Variants in DGKB observed in about 807,000 individuals in gnomAD.
DGKB encodes 90 kDa diacylglycerol kinase.
A neutral mutation model predicts 114.3 loss-of-function variants in DGKB; 67 were observed. The ratio of observed to expected loss-of-function variants is 0.59; its 90% CI spans 0.48 to 0.72. The LOEUF is 0.72. Ranked by LOEUF, DGKB falls within the 30% of genes least tolerant of loss-of-function variation. The pLI, the probability that DGKB is intolerant of heterozygous loss-of-function variation, is 0.00. For synonymous variants in DGKB, 398 were observed against 323.1 expected (o/e 1.23, Z -2.49); for missense variants, 907 against 975.2 (o/e 0.93, Z 0.93).
intron 2 of DGKB, among the ~76,000 whole-genome samples, chr7:14,816,995 T>A (rs1212993890): frequency 4.6e-5 from 7 of 152,204 alleles, no homozygotes; most frequent in African/African-American, 7.2e-5. Context: ...GCATTAATAT[T>A]TTATCTTTTT....
intron 23 of DGKB, among the ~76,000 whole-genome samples, chr7:14,333,811 T>A (rs1810170031): frequency 1.3e-5 from 2 of 152,190 alleles, no homozygotes; most frequent in African/African-American, 4.8e-5. Flanking sequence ...TTTTTCACTT[T>A]CAACAAAACA....
chr7:14,810,491 T>C (rs1843292578), intron 2 of DGKB, among the ~76,000 whole-genome samples: 1 of 152,200 alleles, frequency 6.6e-6, no homozygotes, highest in Non-Finnish European at 1.5e-5. Flanking sequence ...AAAAACATAA[T>C]ATTAATTTTA....
chr7:14,792,317 C>G (rs10281913), intron 2 of DGKB, among the ~76,000 whole-genome samples: 55,577 of 151,764 alleles, frequency 0.37, 11,737 homozygotes, highest in African/African-American at 0.59. Context: ...GTGCTTTATT[C>G]GTGTTTTAAA....
intron 21 of DGKB, among the ~76,000 whole-genome samples, chr7:14,450,366 C>G (rs1831305484): frequency 6.6e-6 from 1 of 152,068 alleles, no homozygotes; most frequent in African/African-American, 2.4e-5. Context: ...ATTTCCACAG[C>G]AGAGATTTCA....
intron 21 of DGKB, among the ~76,000 whole-genome samples, chr7:14,381,813 A>G (rs930654574): frequency 2.6e-5 from 4 of 152,068 alleles, no homozygotes; most frequent in Admixed American, 6.6e-5. Context: ...ACAAATCACA[A>G]AAGTTTTCTT....
intron 20 of DGKB, among the ~76,000 whole-genome samples, chr7:14,557,915 T>C (rs1796103315): frequency 6.6e-6 from 1 of 151,684 alleles, no homozygotes; most frequent in South Asian, 2.1e-4. Context: ...ATTGGTTGAT[T>C]ATTTTATCTC....
At chr7:14,938,154 G>A (rs1440842392) in intron 1 of DGKB, among the ~76,000 whole-genome samples, 2 of 152,144 alleles carry the variant, frequency 1.3e-5, no homozygotes, top group Non-Finnish European at 2.9e-5. Flanking sequence ...GTGCCCATAT[G>A]CAAAGAGGAA....
intron 5 of DGKB, among the ~76,000 whole-genome samples, chr7:14,729,225 C>T (rs1434381050): frequency 1.3e-5 from 2 of 149,222 alleles, no homozygotes; most frequent in Non-Finnish European, 3.0e-5. Context: ...TGGGTTCACG[C>T]CATTCTCCCG....
intron 1 of DGKB, among the ~76,000 whole-genome samples, chr7:14,967,734 T>C (rs766604379): frequency 9.9e-5 from 15 of 152,108 alleles, no homozygotes; most frequent in Admixed American, 5.2e-4. Flanking sequence ...TACATATTTT[T>C]CTGCAAAAAT....
At chr7:14,965,894 C>G (rs1034679871) in intron 1 of DGKB, among the ~76,000 whole-genome samples, 2 of 152,130 alleles carry the variant, frequency 1.3e-5, no homozygotes, top group South Asian at 4.2e-4. Context: ...CCATTTTGCT[C>G]TTTTCATTAC....
intron 21 of DGKB, among the ~76,000 whole-genome samples, chr7:14,467,202 T>C (rs1252311836): frequency 6.7e-6 from 1 of 149,290 alleles, no homozygotes. Flanking sequence ...TTACTTACTG[T>C]TTTTAAATAT....
intron 1 of DGKB, among the ~76,000 whole-genome samples, chr7:14,916,694 G>T (rs1334571023): frequency 6.6e-6 from 1 of 151,990 alleles, no homozygotes; most frequent in Non-Finnish European, 1.5e-5. Context: ...TATTATAGTT[G>T]GAAAGTTCAA....
intron 9 of DGKB, among the ~76,000 whole-genome samples, chr7:14,690,487 T>G (rs1822634807): frequency 6.6e-6 from 1 of 152,240 alleles, no homozygotes; most frequent in South Asian, 2.1e-4. Context: ...AATTAAAACT[T>G]TTTCTGTTTT....
chr7:14,525,508 A>G (rs948428863), intron 20 of DGKB, among the ~76,000 whole-genome samples: 19 of 152,294 alleles, frequency 1.2e-4, no homozygotes, highest in African/African-American at 4.6e-4. Context: ...CAAGGAAAGA[A>G]TCATTCTGCC....
At chr7:14,518,978 T>G (rs1044211725) in intron 20 of DGKB, among the ~76,000 whole-genome samples, 1 of 152,018 alleles carries the variant, frequency 6.6e-6, no homozygotes, top group Non-Finnish European at 1.5e-5. Context: ...GGCCATACTT[T>G]GAGAATCACT....
chr7:14,926,275 C>A (rs1247242389), intron 1 of DGKB, among the ~76,000 whole-genome samples: 1 of 151,904 alleles, frequency 6.6e-6, no homozygotes, highest in Non-Finnish European at 1.5e-5. Flanking sequence ...TGTCAGACAA[C>A]CACACCATTT....
At chr7:14,660,053 T>G (rs1397893630) in intron 13 of DGKB, among the ~76,000 whole-genome samples, 1 of 151,362 alleles carries the variant, frequency 6.6e-6, no homozygotes, top group Non-Finnish European at 1.5e-5. Context: ...TTGCGTGTAT[T>G]GAACCAGCCT....
At chr7:14,303,989 T>A (rs1346591019) in intron 23 of DGKB, among the ~76,000 whole-genome samples, 1 of 150,964 alleles carries the variant, frequency 6.6e-6, no homozygotes, top group Non-Finnish European at 1.5e-5. Flanking sequence ...CACTTCTCTC[T>A]TTTATTTAAT....
chr7:14,727,480 C>T (rs1487911390), intron 5 of DGKB, among the ~76,000 whole-genome samples: 1 of 152,040 alleles, frequency 6.6e-6, no homozygotes, highest in Non-Finnish European at 1.5e-5. Flanking sequence ...GAATTCAATA[C>T]TACAGAGGTA....
Sources: gnomAD v4.1 joint callset for allele counts (sites outside exome capture counted in the v4.1 genomes callset) on GRCh38, gnomAD v4.1.1 for gene constraint, MANE v1.5 for transcripts, NCBI Gene and HGNC (gene_info 2026-07-23, HGNC 2026-07-21) for gene names.